The following GSTO1 variants were observed in gnomAD, a reference collection of about 807,000 sequenced individuals.
The protein encoded by GSTO1 is glutathione S-transferase omega 1.
GSTO1 carries 27 observed loss-of-function variants against 23.8 expected under a neutral mutation model. That is an observed-to-expected ratio of 1.13 (90% confidence interval 0.83 to 1.56). The LOEUF (loss-of-function observed/expected upper bound fraction) is 1.56. Among genes scored for constraint, GSTO1 ranks in the 40% most tolerant of loss-of-function variants. The pLI, the probability that GSTO1 is intolerant of heterozygous loss-of-function variation, is 0.00. For synonymous variants in GSTO1, 105 were observed against 109.3 expected (o/e 0.96, Z 0.25); for missense variants, 255 against 285.8 (o/e 0.89, Z 0.78).
chr10:104,259,988 C>T lies in GSTO1; in HGVS notation c.366+190C>T, dbSNP rs146659054. On this transcript the variant is annotated intron_variant, in intron 3 of 5. Transcript: ENST00000369713. ...ACCTCCAAAATTATCCCTTTTCACT[C>T]GTCTCCTGACACTTTATATATGCCA... Among the ~76,000 whole-genome samples the T allele has an allele frequency of 1.8e-4, 27 of 152,326 alleles. No homozygotes were observed. In the East Asian group the frequency reaches 4.4e-3, roughly 25 times the overall value.
At chr10:104,254,807 C>G, upstream of GSTO1, 1 of 956,728 alleles carries the variant, frequency 1.0e-6, no homozygotes, top group Non-Finnish European at 1.6e-6. Context: ...TGGCGGCCGC[C>G]GGGGGCAGGC....
intron 4 of GSTO1, 34 bp from the exon 5 acceptor site, chr10:104,266,050 A>G: frequency 8.9e-7 from 1 of 1,118,640 alleles, no homozygotes; most frequent in Non-Finnish European, 1.4e-6. Flanking sequence ...TACATGCACA[A>G]GTAAGAAATA....
intron 2 of GSTO1, 79 bp downstream of exon 2, chr10:104,255,350 C>T: frequency 1.2e-6 from 1 of 828,590 alleles, no homozygotes; most frequent in Non-Finnish European, 2.1e-6. Context: ...GGGTCTCAGC[C>T]CCCTTCTACC....
intron 4 of GSTO1, 152 bp downstream of exon 4, chr10:104,263,229 G>A (rs536294559): frequency 9.9e-6 from 5 of 502,830 alleles, no homozygotes; most frequent in Admixed American, 7.3e-5. Context: ...GCAGACTGCT[G>A]TTATAAAGCA....
At chr10:104,262,747 G>A (rs1369445426) in intron 3 of GSTO1, among the ~76,000 whole-genome samples, 1 of 152,082 alleles carries the variant, frequency 6.6e-6, no homozygotes, top group East Asian at 1.9e-4. Flanking sequence ...AACGTGCCAG[G>A]GTAGCTTCTG....
intron 2 of GSTO1, among the ~76,000 whole-genome samples, chr10:104,258,800 A>G (rs10883990): frequency 0.24 from 35,971 of 152,174 alleles, 4,937 homozygotes; most frequent in Middle Eastern, 0.35. Context: ...GTGAGCTGCG[A>G]TCAAGCCACT....
At chr10:104,257,112 G>T (rs771326111) in intron 2 of GSTO1, among the ~76,000 whole-genome samples, 23 of 151,306 alleles carry the variant, frequency 1.5e-4, no homozygotes, top group Non-Finnish European at 2.1e-4. Context: ...TTAGTAATCT[G>T]TTCTATTGAA....
At chr10:104,259,371 A>G (rs952270257) in intron 2 of GSTO1, among the ~76,000 whole-genome samples, 2 of 152,254 alleles carry the variant, frequency 1.3e-5, no homozygotes, top group South Asian at 4.1e-4. Context: ...AGCCAGACAC[A>G]GAAAGACAAA....
At chr10:104,264,044 T>C (rs1472572078) in intron 4 of GSTO1, among the ~76,000 whole-genome samples, 2 of 152,212 alleles carry the variant, frequency 1.3e-5, no homozygotes, top group East Asian at 3.8e-4. Flanking sequence ...ATAAATGAGA[T>C]TGGCCTATAA....
chr10:104,258,447 A>G (rs2011111505), intron 2 of GSTO1, among the ~76,000 whole-genome samples: 1 of 152,252 alleles, frequency 6.6e-6, no homozygotes, highest in Non-Finnish European at 1.5e-5. Flanking sequence ...AACAGAGCAA[A>G]AAGGCAACCT....
intron 5 of GSTO1, 141 bp downstream of exon 5, chr10:104,266,331 C>T: frequency 1.8e-6 from 1 of 567,018 alleles, no homozygotes; most frequent in Non-Finnish European, 3.2e-6. Flanking sequence ...CTTGGACTAT[C>T]CCAGGCATGT....
intron 3 of GSTO1, 55 bp from the exon 4 acceptor site, chr10:104,262,924 G>A: frequency 1.3e-6 from 1 of 762,812 alleles, no homozygotes; most frequent in African/African-American, 1.7e-5. Context: ...TTTATGTGAG[G>A]GGGCCGATAC....
intron 3 of GSTO1, among the ~76,000 whole-genome samples, chr10:104,262,693 T>C (rs1170759094): frequency 2.0e-5 from 3 of 152,170 alleles, no homozygotes; most frequent in South Asian, 2.1e-4. Context: ...GCCTGGGTGA[T>C]AGAGCATGAC....
chr10:104,267,349 G>T lies in GSTO1; in HGVS notation c.670G>T (p.Gly224Cys). 2 of 1,613,864 alleles carry T rather than the reference G, an allele frequency of 1.2e-6. No individual in the cohort carries two copies. The highest frequency in any genetic ancestry group is 1.7e-6 in the Non-Finnish European group (2 of 1,179,748). ...GCTTACTAGTGAGAAAGACTGGCAA[G>T]GTTTCCTAGAGCTCTACTTACAGAA... ...ALLTSEKDWQGFLELYLQNSP... is the reference protein window; with the variant it reads ...ALLTSEKDWQCFLELYLQNSP... Residue 224 changes from glycine to cysteine, a missense_variant, in exon 6 of 6, where the codon GGT becomes TGT. Transcript: ENST00000369713.
chr10:104,266,308 C>T, intron 5 of GSTO1, 118 bp downstream of exon 5: 1 of 602,778 alleles, frequency 1.7e-6, no homozygotes, highest in Non-Finnish European at 3.0e-6. Flanking sequence ...TGAGAACAAG[C>T]AGACAGGGGA....
chr10:104,257,515 A>G (rs921119471), intron 2 of GSTO1, among the ~76,000 whole-genome samples: 7 of 151,762 alleles, frequency 4.6e-5, no homozygotes, highest in African/African-American at 7.3e-5. Context: ...TAATTTTTAT[A>G]TTTTTTGTAG....
At chr10:104,257,772 C>T (rs1204749214) in intron 2 of GSTO1, among the ~76,000 whole-genome samples, 18 of 152,140 alleles carry the variant, frequency 1.2e-4, no homozygotes, top group Admixed American at 1.2e-3. Flanking sequence ...CAATTAGTTG[C>T]CTCATATGAT....
At chr10:104,258,082 C>T (rs1405242761) in intron 2 of GSTO1, among the ~76,000 whole-genome samples, 4 of 152,124 alleles carry the variant, frequency 2.6e-5, no homozygotes, top group Admixed American at 6.5e-5. Flanking sequence ...TACATATTAT[C>T]AGTTCAATGA....
chr10:104,263,128 C>T (rs2011152996), intron 4 of GSTO1, 51 bp downstream of exon 4: 1 of 723,646 alleles, frequency 1.4e-6, no homozygotes, highest in African/African-American at 1.8e-5. Flanking sequence ...TATATCTACC[C>T]TCCTTTTCCT....
Sources: allele counts gnomAD v4.1 joint callset (sites outside exome capture counted in the v4.1 genomes callset), GRCh38; gene constraint gnomAD v4.1.1; transcripts MANE v1.5; gene names NCBI Gene and HGNC (gene_info 2026-07-23, HGNC 2026-07-21).